The following DSCAM variants were observed in gnomAD, a reference collection of about 807,000 sequenced individuals.
The protein encoded by DSCAM is DS cell adhesion molecule, also known as cell adhesion molecule DSCAM.
In DSCAM, 47 loss-of-function variants were observed where a neutral mutation model predicts 217.7. The observed-to-expected ratio is 0.22, with a 90% CI of 0.17 to 0.28. The LOEUF (loss-of-function observed/expected upper bound fraction) is 0.28, where lower values mean the gene tolerates loss of function less well. Among genes scored for constraint, DSCAM ranks in the 10% least tolerant of loss-of-function variants. The pLI, the probability that DSCAM is intolerant of heterozygous loss-of-function variation, is 1.00. For synonymous variants in DSCAM, 1,056 were observed against 1,015.3 expected, an observed-to-expected ratio of 1.04 and a Z score of -0.76; for missense variants, 2,080 against 2,618.3, an observed-to-expected ratio of 0.79 and a Z score of 4.49.
chr21:40,289,040 A>G (rs2073860662), intron 10 of DSCAM, among the ~76,000 whole-genome samples: 1 of 152,234 alleles, frequency 6.6e-6, no homozygotes, highest in African/African-American at 2.4e-5. Flanking sequence ...TTGTATATAA[A>G]CAATAGAATT....
intron 3 of DSCAM, among the ~76,000 whole-genome samples, chr21:40,393,894 A>T (rs1053988572): frequency 2.0e-5 from 3 of 152,162 alleles, no homozygotes; most frequent in Non-Finnish European, 4.4e-5. Flanking sequence ...AATCCATTGG[A>T]TGGGTATATA....
intron 15 of DSCAM, among the ~76,000 whole-genome samples, chr21:40,173,317 A>G (rs2090679448): frequency 1.3e-5 from 2 of 152,154 alleles, no homozygotes; most frequent in Admixed American, 1.3e-4. Context: ...ATAATATTTG[A>G]AAGTGGTAAG....
chr21:40,729,409 A>T (rs1399029252), intron 1 of DSCAM, among the ~76,000 whole-genome samples: 4 of 152,210 alleles, frequency 2.6e-5, no homozygotes, highest in Non-Finnish European at 5.9e-5. Flanking sequence ...CCAAATCCCC[A>T]CTTAAAACAC....
intron 6 of DSCAM, 80 bp downstream of exon 6, chr21:40,347,590 C>T: frequency 6.3e-7 from 1 of 1,580,154 alleles, no homozygotes; most frequent in East Asian, 2.2e-5. Flanking sequence ...ATCAGCACTG[C>T]TTCACCCTGT....
chr21:40,814,792 C>G (rs984273730), intron 1 of DSCAM, among the ~76,000 whole-genome samples: 2 of 152,142 alleles, frequency 1.3e-5, no homozygotes, highest in African/African-American at 4.8e-5. Context: ...ATCCAGTTAA[C>G]AGGAGGAAGA....
chr21:40,039,190 G>T (rs951042971), intron 32 of DSCAM, among the ~76,000 whole-genome samples: 6 of 150,876 alleles, frequency 4.0e-5, no homozygotes, highest in Non-Finnish European at 7.4e-5. Flanking sequence ...AAAAGAAAAA[G>T]AATATGAACT....
chr21:40,539,287 G>A (rs1365400442), intron 3 of DSCAM, among the ~76,000 whole-genome samples: 1 of 151,970 alleles, frequency 6.6e-6, no homozygotes. Context: ...GGCGGATCAC[G>A]AGGTCAGGAG....
At chr21:40,196,678 TTC>T (rs2091013450) in intron 11 of DSCAM, among the ~76,000 whole-genome samples, 1 of 152,024 alleles carries the variant, frequency 6.6e-6, no homozygotes, top group Non-Finnish European at 1.5e-5. Context: ...CCTCTCTTTC[TTC>T]TGTTTCATCC....
intron 3 of DSCAM, among the ~76,000 whole-genome samples, chr21:40,419,679 G>T (rs956946217): frequency 6.6e-6 from 1 of 152,126 alleles, no homozygotes; most frequent in Non-Finnish European, 1.5e-5. Context: ...AAGAACTCAA[G>T]AATGTATTGC....
chr21:40,115,014 T>C (rs1473612373), intron 20 of DSCAM, among the ~76,000 whole-genome samples: 13 of 152,176 alleles, frequency 8.5e-5, no homozygotes, highest in Non-Finnish European at 1.0e-4. Flanking sequence ...GGCGATTCCT[T>C]GGGGATCTAG....
chr21:40,120,778 TG>T (rs1331255502), intron 20 of DSCAM, among the ~76,000 whole-genome samples: 1 of 152,234 alleles, frequency 6.6e-6, no homozygotes, highest in African/African-American at 2.4e-5. Context: ...TACCCTAACT[TG>T]TCATCTGGCC....
intron 11 of DSCAM, among the ~76,000 whole-genome samples, chr21:40,260,211 C>T (rs1462004035): frequency 2.0e-5 from 3 of 152,190 alleles, no homozygotes; most frequent in East Asian, 1.9e-4. Flanking sequence ...ATGGACTGTA[C>T]ACCTCTGTAA....
intron 16 of DSCAM, among the ~76,000 whole-genome samples, chr21:40,145,976 G>GTGCATGTA (rs112749166): frequency 9.1e-6 from 1 of 110,324 alleles, no homozygotes; most frequent in African/African-American, 2.6e-5. Flanking sequence ...ACACATACAT[G>GTGCATGTA]TGTATGTATG....
intron 3 of DSCAM, among the ~76,000 whole-genome samples, chr21:40,540,136 A>G (rs1183995775): frequency 6.6e-6 from 1 of 152,194 alleles, no homozygotes. Flanking sequence ...ATCAACTGTC[A>G]TGCTTCTGGG....
rs1202355440 is a variant in DSCAM, at chr21:40,342,648, ATTTT to A, written c.1211-3237_1211-3234del. On this transcript the variant is annotated intron_variant, in intron 6 of 32. Transcript: ENST00000400454. Reference sequence around the variant, plus strand: ...TGTGTATATATATATATATATATATATTTTTTTTTTTTTTTTGAGACAGTGTCTC... The same window carrying A: ...TGTGTATATATATATATATATATATATTTTTTTTTTTTGAGACAGTGTCTC... Among the ~76,000 whole-genome samples, 16 of 80,300 alleles carry A rather than the reference ATTTT, an allele frequency of 2.0e-4. 1 individual carries two copies. The highest frequency in any genetic ancestry group is 5.7e-4 in the African/African-American group (11 of 19,182). 52.7% of individuals were successfully genotyped at this position (80,300 alleles called of 152,430 possible). A position where few individuals can be genotyped will look rare whatever the true frequency, so the allele number is the denominator to read the frequency against.
At chr21:40,536,264 A>C (rs1481874128) in intron 3 of DSCAM, among the ~76,000 whole-genome samples, 1 of 152,176 alleles carries the variant, frequency 6.6e-6, no homozygotes, top group Non-Finnish European at 1.5e-5. Flanking sequence ...TTGAAGTCCT[A>C]ACCCCAAGAA....
chr21:40,046,970 C>A (rs927372868), intron 30 of DSCAM, among the ~76,000 whole-genome samples: 3 of 151,968 alleles, frequency 2.0e-5, no homozygotes, highest in African/African-American at 7.3e-5. Context: ...GCACATGCAG[C>A]CTTGATTCAA....
chr21:40,746,747 A>T (rs1041946338), intron 1 of DSCAM, among the ~76,000 whole-genome samples: 1 of 151,968 alleles, frequency 6.6e-6, no homozygotes, highest in Non-Finnish European at 1.5e-5. Flanking sequence ...AGAACTTTCC[A>T]CCCAATAGAT....
At chr21:40,666,506 A>G (rs1319381410) in intron 3 of DSCAM, among the ~76,000 whole-genome samples, 1 of 152,056 alleles carries the variant, frequency 6.6e-6, no homozygotes, top group Non-Finnish European at 1.5e-5. Context: ...ACCTGAGCCC[A>G]CTCTGTTCAC....
Sources: allele counts gnomAD v4.1 joint callset (sites outside exome capture counted in the v4.1 genomes callset), GRCh38; gene constraint gnomAD v4.1.1; transcripts MANE v1.5; gene names NCBI Gene and HGNC (gene_info 2026-07-23, HGNC 2026-07-21).